ECPAS: variants seen among roughly 807,000 people sequenced by gnomAD.
The protein encoded by ECPAS is Ecm29 proteasome adaptor and scaffold.
Under a neutral mutation model 255.1 loss-of-function variants are expected in ECPAS, and 70 were observed. That is an observed-to-expected ratio of 0.27 (90% confidence interval 0.23 to 0.33). ECPAS has a LOEUF of 0.33. Ranked by LOEUF, ECPAS falls within the 10% of genes least tolerant of loss-of-function variation. The pLI, the probability that ECPAS is intolerant of heterozygous loss-of-function variation, is 1.00. For synonymous variants in ECPAS, 784 were observed against 775.0 expected, an observed-to-expected ratio of 1.01 and a Z score of -0.19; for missense variants, 1,817 against 2,206.4, an observed-to-expected ratio of 0.82 and a Z score of 3.54.
At chr9:111,398,194 C>T (rs1009250005) in intron 24 of ECPAS, among the ~76,000 whole-genome samples, 2 of 152,140 alleles carry the variant, frequency 1.3e-5, no homozygotes, top group African/African-American at 4.8e-5. Flanking sequence ...CGTACTAATG[C>T]CACAAGCTTC....
chr9:111,387,497 A>G (rs999136334), intron 31 of ECPAS, among the ~76,000 whole-genome samples: 61 of 150,598 alleles, frequency 4.1e-4, no homozygotes, highest in African/African-American at 1.4e-3. Context: ...ACAGAGTCTC[A>G]CTCATCATCA....
chr9:111,411,234 C>A, intron 21 of ECPAS, 92 bp from the exon 22 acceptor site: 1 of 1,287,914 alleles, frequency 7.8e-7, no homozygotes, highest in South Asian at 1.3e-5. Flanking sequence ...AGGATCATCT[C>A]TCCAACAAAA....
intron 43 of ECPAS, among the ~76,000 whole-genome samples, chr9:111,371,382 T>C (rs1029198905): frequency 1.3e-5 from 2 of 152,122 alleles, no homozygotes; most frequent in African/African-American, 4.8e-5. Context: ...GAAGGCTGAA[T>C]ATGGAAAATG....
intron 2 of ECPAS, among the ~76,000 whole-genome samples, chr9:111,472,272 A>C (rs775288926): frequency 5.3e-5 from 8 of 152,112 alleles, no homozygotes; most frequent in Non-Finnish European, 1.0e-4. Context: ...AAATTTAAAA[A>C]ACAAAAACCT....
Position 111,361,803 on chromosome 9 carries a change from T to A in ECPAS, c.*227A>T. ...TGCCAGTTTCCTTTACAACCACCCC[T>A]CAAACATCCAAGGTTCCATTAAGCT... On this transcript the variant is annotated 3_prime_UTR_variant, in exon 50 of 50. Transcript: ENST00000684092. 1 of 374,104 alleles carries A rather than the reference T, an allele frequency of 2.7e-6. No homozygotes were observed. Among genetic ancestry groups the A allele is most frequent in the Non-Finnish European group, 4.7e-6 (1 of 212,538 alleles). 23.2% of individuals were successfully genotyped at this position (374,104 alleles called of 1,614,324 possible).
chr9:111,431,882 C>T (rs897737578), intron 8 of ECPAS, among the ~76,000 whole-genome samples: 1 of 152,228 alleles, frequency 6.6e-6, no homozygotes, highest in Non-Finnish European at 1.5e-5. Flanking sequence ...GATTCACCTA[C>T]ATCTTTCCTC....
chr9:111,409,160 T>C (rs758126083), intron 23 of ECPAS, among the ~76,000 whole-genome samples: 6 of 152,226 alleles, frequency 3.9e-5, no homozygotes, highest in African/African-American at 7.2e-5. Context: ...TCCGGCACAT[T>C]AGAAGTGCTT....
intron 3 of ECPAS, among the ~76,000 whole-genome samples, chr9:111,449,818 A>T (rs1410974872): frequency 6.6e-6 from 1 of 151,994 alleles, no homozygotes; most frequent in South Asian, 2.1e-4. Flanking sequence ...CTTTCCTCCT[A>T]TCAGGCTTCG....
At chr9:111,454,025 G>T (rs1212879116) in intron 2 of ECPAS, among the ~76,000 whole-genome samples, 1 of 151,906 alleles carries the variant, frequency 6.6e-6, no homozygotes, top group African/African-American at 2.4e-5. Flanking sequence ...AGGGAGGAAA[G>T]AAAGGCTCAA....
chr9:111,433,675 T>C (rs537198120), intron 7 of ECPAS, among the ~76,000 whole-genome samples: 1 of 152,310 alleles, frequency 6.6e-6, no homozygotes, highest in East Asian at 1.9e-4. Flanking sequence ...CCCAAGCCTC[T>C]CTGACTCCAA....
At chr9:111,482,951 C>G (rs1385503166) in intron 1 of ECPAS, among the ~76,000 whole-genome samples, 1 of 152,186 alleles carries the variant, frequency 6.6e-6, no homozygotes, top group Non-Finnish European at 1.5e-5. Flanking sequence ...GCGCTGTCAC[C>G]CCGTGGTTTC....
intron 15 of ECPAS, among the ~76,000 whole-genome samples, chr9:111,420,404 CTAG>C (rs2098211729): frequency 6.6e-6 from 1 of 152,122 alleles, no homozygotes; most frequent in African/African-American, 2.4e-5. Flanking sequence ...AGGACCATAA[CTAG>C]AGAATCTCTG....
chr9:111,371,532 A>G, intron 43 of ECPAS, 89 bp downstream of exon 43: 1 of 1,208,846 alleles, frequency 8.3e-7, no homozygotes, highest in Non-Finnish European at 1.2e-6. Context: ...AATCCATTGG[A>G]AAAGTTACAC....
At chr9:111,483,835 C>G (rs1182697653) in intron 1 of ECPAS, 1 of 277,692 alleles carries the variant, frequency 3.6e-6, no homozygotes. Flanking sequence ...GCGCCAGGCC[C>G]GCGCGGCGGC....
intron 37 of ECPAS, among the ~76,000 whole-genome samples, chr9:111,375,758 C>A (rs2098132720): frequency 1.3e-5 from 2 of 151,992 alleles, no homozygotes; most frequent in Admixed American, 1.3e-4. Flanking sequence ...ATTCTTAGAC[C>A]AAATTTTGGT....
At chr9:111,366,826 TC>T (rs2098120935) in intron 46 of ECPAS, among the ~76,000 whole-genome samples, 199 bp from the exon 47 acceptor site, 1 of 152,156 alleles carries the variant, frequency 6.6e-6, no homozygotes, top group Admixed American at 6.6e-5. Flanking sequence ...CATTGAAATT[TC>T]CCCAAAAACT....
At chr9:111,430,846 C>G (rs575837674) in intron 8 of ECPAS, among the ~76,000 whole-genome samples, 6 of 152,250 alleles carry the variant, frequency 3.9e-5, no homozygotes, top group African/African-American at 1.4e-4. Context: ...CTTATCCCAC[C>G]CAGACTCAAC....
intron 31 of ECPAS, among the ~76,000 whole-genome samples, chr9:111,389,032 C>A (rs1336781307): frequency 6.6e-6 from 1 of 152,194 alleles, no homozygotes; most frequent in African/African-American, 2.4e-5. Flanking sequence ...ATAAAGATGA[C>A]ATTTACATGC....
At chr9:111,459,372 T>C (rs1034955569) in intron 2 of ECPAS, among the ~76,000 whole-genome samples, 1 of 152,138 alleles carries the variant, frequency 6.6e-6, no homozygotes, top group African/African-American at 2.4e-5. Context: ...ATTACAGGTA[T>C]GAGCCATCAT....
Sources: gnomAD v4.1 joint callset for allele counts (sites outside exome capture counted in the v4.1 genomes callset) on GRCh38, gnomAD v4.1.1 for gene constraint, MANE v1.5 for transcripts, NCBI Gene and HGNC (gene_info 2026-07-23, HGNC 2026-07-21) for gene names.